The following XPR1 variants were observed in gnomAD, a reference collection of about 807,000 sequenced individuals.
The protein encoded by XPR1 is solute carrier family 53 member 1.
A neutral mutation model predicts 87.5 loss-of-function variants in XPR1; 28 were observed. The ratio of observed to expected loss-of-function variants is 0.32; its 90% CI spans 0.24 to 0.44. The LOEUF is 0.44. XPR1 is among the 20% of genes least tolerant of loss of function. XPR1 has a pLI of 1.00. For synonymous variants in XPR1, 300 were observed against 306.1 expected (o/e 0.98, Z 0.21); for missense variants, 559 against 862.3 (o/e 0.65, Z 4.41).
At chr1:180,756,906 A>T (rs114319941) in intron 2 of XPR1, among the ~76,000 whole-genome samples, 5 of 152,148 alleles carry the variant, frequency 3.3e-5, no homozygotes, top group African/African-American at 1.2e-4. Context: ...TTTGTTGAAA[A>T]GACTAGTCTT....
intron 11 of XPR1, among the ~76,000 whole-genome samples, chr1:180,840,750 T>C (rs1651482012): frequency 6.6e-6 from 1 of 151,860 alleles, no homozygotes. Flanking sequence ...AATTTTTAAC[T>C]AAAAAGCTTA....
intron 7 of XPR1, among the ~76,000 whole-genome samples, chr1:180,812,913 G>A (rs555336622): frequency 3.3e-5 from 5 of 152,134 alleles, no homozygotes; most frequent in African/African-American, 1.2e-4. Context: ...CTCCCAAAGT[G>A]CTGGGGTTTA....
chr1:180,779,728 G>GA (rs1303687616), intron 2 of XPR1, among the ~76,000 whole-genome samples: 1 of 151,062 alleles, frequency 6.6e-6, no homozygotes, highest in Non-Finnish European at 1.5e-5. Context: ...GAGGGAGAGG[G>GA]AAAAAAAGGA....
chr1:180,636,587 G>A (rs1288095004), intron 1 of XPR1, among the ~76,000 whole-genome samples: 1 of 152,174 alleles, frequency 6.6e-6, no homozygotes, highest in South Asian at 2.1e-4. Context: ...AATCTTATTT[G>A]ACCTGGGGTG....
intron 1 of XPR1, among the ~76,000 whole-genome samples, chr1:180,660,535 T>G (rs1275640820): frequency 6.6e-6 from 1 of 152,188 alleles, no homozygotes; most frequent in African/African-American, 2.4e-5. Context: ...TAGGTTTTGG[T>G]ATGTTGTGTT....
At chr1:180,752,213 G>A (rs902992558) in intron 2 of XPR1, among the ~76,000 whole-genome samples, 1 of 152,082 alleles carries the variant, frequency 6.6e-6, no homozygotes, top group Non-Finnish European at 1.5e-5. Context: ...AAGGAATGTT[G>A]GCTATAAAAA....
At chr1:180,724,076 C>T (rs1322021831) in intron 2 of XPR1, among the ~76,000 whole-genome samples, 1 of 151,796 alleles carries the variant, frequency 6.6e-6, no homozygotes, top group Non-Finnish European at 1.5e-5. Context: ...AGAAGGTAGT[C>T]AAAAAAATGA....
chr1:180,758,415 A>C (rs942415739), intron 2 of XPR1, among the ~76,000 whole-genome samples: 9 of 152,216 alleles, frequency 5.9e-5, no homozygotes, highest in African/African-American at 2.2e-4. Context: ...ACACTTAAAA[A>C]TGGTAAAGAT....
At chr1:180,769,243 G>A (rs984274716) in intron 2 of XPR1, among the ~76,000 whole-genome samples, 1 of 152,034 alleles carries the variant, frequency 6.6e-6, no homozygotes, top group Non-Finnish European at 1.5e-5. Flanking sequence ...CATTTATCCT[G>A]TGTGTTACAA....
intron 1 of XPR1, among the ~76,000 whole-genome samples, chr1:180,635,011 C>G (rs1654717529): frequency 6.6e-6 from 1 of 151,926 alleles, no homozygotes; most frequent in Admixed American, 6.6e-5. Flanking sequence ...TTTGATTTAA[C>G]TTTTAATGGC....
intron 1 of XPR1, among the ~76,000 whole-genome samples, chr1:180,635,927 T>C (rs1309042932): frequency 6.6e-6 from 1 of 152,200 alleles, no homozygotes; most frequent in East Asian, 1.9e-4. Flanking sequence ...GGACAGAACT[T>C]AACAGGAGTA....
intron 2 of XPR1, among the ~76,000 whole-genome samples, chr1:180,693,733 C>G (rs1408148210): frequency 6.6e-6 from 1 of 152,128 alleles, no homozygotes. Context: ...GCCTCTTTAC[C>G]TTGTCCTTTG....
intron 2 of XPR1, among the ~76,000 whole-genome samples, chr1:180,734,582 C>T (rs1489647744): frequency 6.6e-6 from 1 of 152,126 alleles, no homozygotes; most frequent in Non-Finnish European, 1.5e-5. Flanking sequence ...TAACTTGAAA[C>T]TTTCTCAAGT....
At chr1:180,785,168 G>A (rs1437823212) in intron 2 of XPR1, among the ~76,000 whole-genome samples, 1 of 151,450 alleles carries the variant, frequency 6.6e-6, no homozygotes, top group South Asian at 2.1e-4. Context: ...GTTTCCTTTT[G>A]AGATGGAGTC....
intron 1 of XPR1, among the ~76,000 whole-genome samples, chr1:180,632,704 C>G (rs1045274077): frequency 1.3e-5 from 2 of 152,234 alleles, no homozygotes; most frequent in African/African-American, 4.8e-5. Flanking sequence ...TTGTTTCTCT[C>G]TCTACACCTC....
At chr1:180,741,533 TG>T (rs1472748809) in intron 2 of XPR1, among the ~76,000 whole-genome samples, 1 of 152,154 alleles carries the variant, frequency 6.6e-6, no homozygotes, top group Non-Finnish European at 1.5e-5. Context: ...TCACCCCGGC[TG>T]GGGTGCAGTG....
intron 7 of XPR1, among the ~76,000 whole-genome samples, chr1:180,821,479 A>C (rs1650624339): frequency 6.6e-6 from 1 of 152,184 alleles, no homozygotes; most frequent in Non-Finnish European, 1.5e-5. Flanking sequence ...AAAATGACAA[A>C]GTATGAGTCC....
At chr1:180,741,671 G>C (rs1012174971) in intron 2 of XPR1, among the ~76,000 whole-genome samples, 5 of 152,028 alleles carry the variant, frequency 3.3e-5, no homozygotes, top group Admixed American at 3.3e-4. Context: ...ATTTTTAGTA[G>C]AGATGGGATT....
chr1:180,819,453 A>T (rs1650532340), intron 7 of XPR1, among the ~76,000 whole-genome samples: 1 of 152,170 alleles, frequency 6.6e-6, no homozygotes, highest in Non-Finnish European at 1.5e-5. Flanking sequence ...ATTTACTGAA[A>T]GCCTTAGAGA....
Sources: allele counts gnomAD v4.1 joint callset (sites outside exome capture counted in the v4.1 genomes callset), GRCh38; gene constraint gnomAD v4.1.1; transcripts MANE v1.5; gene names NCBI Gene and HGNC (gene_info 2026-07-23, HGNC 2026-07-21).